CACNA1C: variants seen among roughly 807,000 people sequenced by gnomAD.
CACNA1C encodes voltage-dependent L-type calcium channel subunit alpha-1C.
Under a neutral mutation model 229.0 loss-of-function variants are expected in CACNA1C, and 30 were observed. The observed-to-expected ratio is 0.13, with a 90% CI of 0.10 to 0.18. CACNA1C has a LOEUF of 0.18. CACNA1C is among the 10% of genes least tolerant of loss of function. The pLI is 1.00. For synonymous variants in CACNA1C, 1,114 were observed against 1,132.5 expected (o/e 0.98, Z 0.33); for missense variants, 1,658 against 2,845.0 (o/e 0.58, Z 9.49).
rs2091523156 is a variant in CACNA1C at position 2,633,576 on chromosome 12, G to A, written c.3829-721G>A. On this transcript the variant is annotated intron_variant, in intron 29 of 46. Coordinates refer to ENST00000399655, the MANE Select transcript of CACNA1C (RefSeq NM_000719.7). The surrounding 1 kb of genome is among the most constrained non-coding windows in gnomAD (Gnocchi z 5.8). ...CTGATGGTGGTGTTGCTCTGTTCTTGTCTGTCTAATATTCCTTTTTAATCC... is the reference window on the plus strand; with the variant it reads ...CTGATGGTGGTGTTGCTCTGTTCTTATCTGTCTAATATTCCTTTTTAATCC... 1 of 1,010,592 alleles carries A rather than the reference G, an allele frequency of 9.9e-7. No homozygotes were observed. The highest frequency in any genetic ancestry group is 1.7e-5 in the African/African-American group (1 of 60,098). 62.6% of individuals were successfully genotyped at this position (1,010,592 alleles called of 1,614,324 possible). A position where few individuals can be genotyped will look rare whatever the true frequency, so the allele number is the denominator to read the frequency against.
At chr12:2,531,520 C>G (rs886180159) in intron 9 of CACNA1C, among the ~76,000 whole-genome samples, 1 of 152,222 alleles carries the variant, frequency 6.6e-6, no homozygotes, top group Non-Finnish European at 1.5e-5. Context: ...CCCCATCCAG[C>G]CCTGTCTTTC....
rs888030948 is a variant in CACNA1C at position 2,486,669 on chromosome 12, G to T, written c.916+407G>T. 6.6e-6 allele frequency among the ~76,000 whole-genome samples: 1 copy of T among 152,140 alleles called. No homozygotes were observed. The highest frequency in any genetic ancestry group is 6.5e-5 in the Admixed American group (1 of 15,280). On this transcript the variant is annotated intron_variant, in intron 6 of 46. Transcript: ENST00000399655. This position sits in a 1 kb window ranked among gnomAD's most constrained non-coding sequence, Gnocchi z 4.9. ...GGTTGGCCATTGGGAGCCCTTTCAC[G>T]GGGCCGCTTAGCCCTGAGCAACAGG...
intron 1 of CACNA1C, among the ~76,000 whole-genome samples, chr12:2,042,988 A>G (rs1196580881): frequency 6.6e-6 from 1 of 152,248 alleles, no homozygotes; most frequent in Non-Finnish European, 1.5e-5. Context: ...CTTTAAGAGG[A>G]AGACGTGTTT....
chr12:2,226,121 A>G (rs970187039), intron 3 of CACNA1C, among the ~76,000 whole-genome samples: 5 of 91,664 alleles, frequency 5.5e-5, no homozygotes, highest in Admixed American at 1.4e-4. Flanking sequence ...GGATATGGGG[A>G]CGCGCACACA....
intron 13 of CACNA1C, among the ~76,000 whole-genome samples, chr12:2,579,611 C>T (rs541545645): frequency 6.6e-6 from 1 of 152,156 alleles, no homozygotes; most frequent in African/African-American, 2.4e-5. Flanking sequence ...GACAGGGTCT[C>T]ACTCCGTCAC....
intron 3 of CACNA1C, among the ~76,000 whole-genome samples, chr12:2,418,200 G>A (rs2098935635): frequency 6.6e-6 from 1 of 152,108 alleles, no homozygotes; most frequent in South Asian, 2.1e-4. Flanking sequence ...CTCCTGGGCT[G>A]CGGGTGGCCT....
At position 2,665,072 on chromosome 12, in the gene CACNA1C, A is replaced by T; in HGVS notation, c.4398+82A>T. The T allele has an allele frequency of 6.9e-7, 1 of 1,450,170 alleles. No homozygotes were observed. The highest frequency in any genetic ancestry group is 9.6e-7 in the Non-Finnish European group (1 of 1,039,472). The allele number at this position is 1,450,170 out of a possible 1,614,324, so 89.8% of individuals were successfully genotyped here. Reference sequence around the variant, plus strand: ...TCTGAACCGTCCATCTCTGCAGCTCATGGTCAGGGCAACCCTATCAGAGGA... The same window carrying T: ...TCTGAACCGTCCATCTCTGCAGCTCTTGGTCAGGGCAACCCTATCAGAGGA... On this transcript the variant is annotated intron_variant, in intron 35 of 46. Coordinates refer to ENST00000399655, the MANE Select transcript of CACNA1C (RefSeq NM_000719.7). The surrounding 1 kb of genome is among the most constrained non-coding windows in gnomAD (Gnocchi z 5.9).
At chr12:2,483,966 T>C (rs1195555758) in intron 5 of CACNA1C, among the ~76,000 whole-genome samples, 1 of 152,050 alleles carries the variant, frequency 6.6e-6, no homozygotes, top group Non-Finnish European at 1.5e-5. Flanking sequence ...GATGATAAGT[T>C]TTGTCACTCC....
At chr12:2,381,397 C>G (rs1567352151) in intron 3 of CACNA1C, among the ~76,000 whole-genome samples, 1 of 152,196 alleles carries the variant, frequency 6.6e-6, no homozygotes, top group Non-Finnish European at 1.5e-5. Flanking sequence ...GTGTTGTCAG[C>G]TCAGACAAAC....
At chr12:2,521,771 C>T (rs1423697814) in intron 9 of CACNA1C, among the ~76,000 whole-genome samples, 2 of 152,172 alleles carry the variant, frequency 1.3e-5, no homozygotes, top group African/African-American at 2.4e-5. Flanking sequence ...CGCCTGGACT[C>T]GCAGCCACCT....
At chr12:2,266,553 A>C (rs2082473452) in intron 3 of CACNA1C, among the ~76,000 whole-genome samples, 1 of 152,230 alleles carries the variant, frequency 6.6e-6, no homozygotes, top group African/African-American at 2.4e-5. Context: ...GGAGTTGGGA[A>C]GGTGCATTGG....
At chr12:2,460,994 C>T (rs2099497580) in intron 5 of CACNA1C, among the ~76,000 whole-genome samples, 2 of 152,220 alleles carry the variant, frequency 1.3e-5, no homozygotes, top group African/African-American at 4.8e-5. Flanking sequence ...TCTCCCCTGA[C>T]TACAAACCTA....
At chr12:2,609,420 G>A (rs1182219217) in intron 27 of CACNA1C, among the ~76,000 whole-genome samples, 2 of 151,802 alleles carry the variant, frequency 1.3e-5, no homozygotes, top group Non-Finnish European at 1.5e-5. Context: ...TGTGACCCTC[G>A]CCAGGCCAGC....
chr12:2,106,118 A>G (rs1218220239), intron 1 of CACNA1C, among the ~76,000 whole-genome samples: 76 of 27,836 alleles, frequency 2.7e-3, no homozygotes, highest in South Asian at 5.2e-3. Flanking sequence ...CCCACCCTGG[A>G]GAGGGTTTCC....
chr12:2,276,554 TAG>T (rs1566829100), intron 3 of CACNA1C, among the ~76,000 whole-genome samples: 2 of 152,246 alleles, frequency 1.3e-5, no homozygotes, highest in Non-Finnish European at 2.9e-5. Context: ...TGCTTCTTGC[TAG>T]AACCTTTAGA....
At position 2,278,334 on chromosome 12, in the gene CACNA1C, C is replaced by G. The variant is rs989278023; in HGVS notation, c.477+157904C>G. On this transcript the variant is annotated intron_variant, in intron 3 of 46. Coordinates refer to ENST00000399655, the MANE Select transcript of CACNA1C (RefSeq NM_000719.7). ...ATACTTTGGAAAGTTTCAACATTGA[C>G]CATCAGTGCAATCAAGAGGGTGAGC... Among the ~76,000 whole-genome samples, 7 of 152,206 alleles carry G rather than the reference C, an allele frequency of 4.6e-5. No individual in the cohort carries two copies. In the South Asian group the frequency reaches 1.4e-3, roughly 32 times the overall value.
chr12:2,298,712 C>T (rs926401868), intron 3 of CACNA1C, among the ~76,000 whole-genome samples: 2 of 152,212 alleles, frequency 1.3e-5, no homozygotes, highest in African/African-American at 4.8e-5. Flanking sequence ...TCTGTAGGCC[C>T]GTGCCCTCTA....
At position 2,605,615 on chromosome 12, in the gene CACNA1C, C is replaced by G. The variant is rs2074967524; in HGVS notation, c.3049-64C>G. 2 of 1,239,162 alleles carry G rather than the reference C, an allele frequency of 1.6e-6. No homozygotes were observed. The highest frequency in any genetic ancestry group is 3.0e-5 in the African/African-American group (2 of 67,760). The allele number at this position is 1,239,162 out of a possible 1,614,324, so 76.8% of individuals were successfully genotyped here. On this transcript the variant is annotated intron_variant, in intron 23 of 46. Transcript: ENST00000399655. The surrounding 1 kb of genome is among the most constrained non-coding windows in gnomAD (Gnocchi z 6.2). Reference sequence around the variant, plus strand: ...GTGGCAAACGGGCTGCCCCTGCTACCTCCTGGAAAGGCTCCTGGCATCTCC... The same window carrying G: ...GTGGCAAACGGGCTGCCCCTGCTACGTCCTGGAAAGGCTCCTGGCATCTCC...
At chr12:2,166,177 G>C (rs1287531837) in intron 3 of CACNA1C, among the ~76,000 whole-genome samples, 1 of 152,178 alleles carries the variant, frequency 6.6e-6, no homozygotes, top group Non-Finnish European at 1.5e-5. Context: ...CAAACATTCT[G>C]TGCTGCTGGG....
Sources: allele counts gnomAD v4.1 joint callset (sites outside exome capture counted in the v4.1 genomes callset), GRCh38; gene constraint gnomAD v4.1.1; non-coding constraint Gnocchi (gnomAD v3.1); transcripts MANE v1.5; gene names NCBI Gene and HGNC (gene_info 2026-07-23, HGNC 2026-07-21).